SLC24A4: variants seen among roughly 807,000 people sequenced by gnomAD.
The protein encoded by SLC24A4 is solute carrier family 24 member 4.
In SLC24A4, 53 loss-of-function variants were observed where a neutral mutation model predicts 79.0. The observed-to-expected ratio is 0.67, with a 90% CI of 0.54 to 0.84. The LOEUF (loss-of-function observed/expected upper bound fraction) is 0.84, where lower values mean the gene tolerates loss of function less well. Ranked by LOEUF, SLC24A4 falls within the 40% of genes least tolerant of loss-of-function variation. SLC24A4 has a pLI of 0.00. For missense variants in SLC24A4, 731 were observed against 822.0 expected (o/e 0.89, Z 1.35); for synonymous variants, 323 against 323.8 (o/e 1.00, Z 0.03).
At chr14:92,340,579 A>AT (rs1361818647) in intron 2 of SLC24A4, among the ~76,000 whole-genome samples, 1 of 3,670 alleles carries the variant, frequency 2.7e-4, no homozygotes, top group Non-Finnish European at 6.0e-3. Context: ...GCATCATGCC[A>AT]AACCTGCAGG....
chr14:92,360,885 G>A (rs1245014072), intron 2 of SLC24A4, among the ~76,000 whole-genome samples: 2 of 152,166 alleles, frequency 1.3e-5, no homozygotes, highest in Non-Finnish European at 2.9e-5. Flanking sequence ...CCGAAATCTT[G>A]AATGCCTAAT....
At chr14:92,418,577 G>A (rs11160064) in intron 2 of SLC24A4, among the ~76,000 whole-genome samples, 1 of 152,160 alleles carries the variant, frequency 6.6e-6, no homozygotes, top group Non-Finnish European at 1.5e-5. Context: ...TCCAAAATCT[G>A]TATGCCAGGC....
At chr14:92,356,217 G>T (rs1283355141) in intron 2 of SLC24A4, among the ~76,000 whole-genome samples, 2 of 152,108 alleles carry the variant, frequency 1.3e-5, no homozygotes, top group Non-Finnish European at 1.5e-5. Context: ...CCGTAGATTG[G>T]GTAGATTCAA....
intron 2 of SLC24A4, among the ~76,000 whole-genome samples, chr14:92,379,578 TC>T (rs1453562964): frequency 1.3e-5 from 2 of 152,128 alleles, no homozygotes; most frequent in East Asian, 3.9e-4. Flanking sequence ...CTCTGGCGTC[TC>T]CCCTTTCCTA....
At chr14:92,432,394 G>A (rs574018214) in intron 2 of SLC24A4, among the ~76,000 whole-genome samples, 147 of 152,284 alleles carry the variant, frequency 9.7e-4, no homozygotes, top group Middle Eastern at 3.4e-3. Flanking sequence ...TCCCAGGATT[G>A]GATAAATCAG....
chr14:92,483,643 G>T, intron 13 of SLC24A4: 1 of 957,960 alleles, frequency 1.0e-6, no homozygotes, highest in Non-Finnish European at 1.5e-6. Flanking sequence ...GGCTGGGCTG[G>T]GCTGGGTCAG....
At chr14:92,479,519 A>G (rs945649166) in intron 12 of SLC24A4, among the ~76,000 whole-genome samples, 3 of 152,166 alleles carry the variant, frequency 2.0e-5, no homozygotes, top group African/African-American at 7.2e-5. Context: ...ATTGAATTGT[A>G]TATGTTAAAT....
rs1895850856 is a variant in SLC24A4, at chr14:92,494,302, A to G, written c.*674A>G. The G allele has an allele frequency of 6.5e-6, 1 of 152,724 alleles. No individual in the cohort carries two copies. The highest frequency in any genetic ancestry group is 2.4e-5 in the African/African-American group (1 of 41,464). The allele number at this position is 152,724 out of a possible 1,614,324, so 9.5% of individuals were successfully genotyped here. On this transcript the variant is annotated 3_prime_UTR_variant, in exon 17 of 17. Coordinates refer to ENST00000532405, the MANE Select transcript of SLC24A4 (RefSeq NM_153646.4). The surrounding 1 kb of genome is among the most constrained non-coding windows in gnomAD (Gnocchi z 4.6). ...TATTGATGCATTCAGAGAATAAGCA[A>G]TGAAATATTAAAAAATGAAACATCA...
At position 92,499,575 on chromosome 14, in the gene SLC24A4, G is replaced by A. The variant is rs1896068700; in HGVS notation, c.*5947G>A. Reference sequence around the variant, plus strand: ...CTCACTCTGTTGCCCAGGCTGGAGTGCAGTGGCTTGATCACAGCTCACGAA... The same window carrying A: ...CTCACTCTGTTGCCCAGGCTGGAGTACAGTGGCTTGATCACAGCTCACGAA... On this transcript the variant is annotated 3_prime_UTR_variant, in exon 17 of 17. Coordinates refer to ENST00000532405, the MANE Select transcript of SLC24A4 (RefSeq NM_153646.4). The A allele has an allele frequency of 6.6e-6, 1 of 151,874 alleles. No individual in the cohort carries two copies. Among genetic ancestry groups the A allele is most frequent in the Non-Finnish European group, 1.5e-5 (1 of 68,024 alleles). The allele number at this position is 151,874 out of a possible 1,614,324, so 9.4% of individuals were successfully genotyped here.
chr14:92,411,976 G>A (rs1439020437), intron 2 of SLC24A4, among the ~76,000 whole-genome samples: 2 of 152,052 alleles, frequency 1.3e-5, no homozygotes, highest in African/African-American at 4.8e-5. Flanking sequence ...CTGAGCAAAA[G>A]ATGAGAGGTG....
chr14:92,400,639 G>A (rs1180749081), intron 2 of SLC24A4, among the ~76,000 whole-genome samples: 1 of 152,104 alleles, frequency 6.6e-6, no homozygotes, highest in Non-Finnish European at 1.5e-5. Context: ...CTCTGGGAAA[G>A]TATTGAGTAA....
chr14:92,347,912 C>T (rs1440482100), intron 2 of SLC24A4, among the ~76,000 whole-genome samples: 2 of 151,824 alleles, frequency 1.3e-5, no homozygotes, highest in South Asian at 2.1e-4. Context: ...GGTGACAGAG[C>T]GAGACTCCAT....
chr14:92,431,970 C>CA (rs1891899095), intron 2 of SLC24A4, among the ~76,000 whole-genome samples: 1 of 152,190 alleles, frequency 6.6e-6, no homozygotes, highest in Non-Finnish European at 1.5e-5. Flanking sequence ...TGCCTGGGTG[C>CA]TCTGAGCTGC....
At chr14:92,474,089 A>T (rs1275903971) in intron 12 of SLC24A4, among the ~76,000 whole-genome samples, 4 of 152,184 alleles carry the variant, frequency 2.6e-5, no homozygotes, top group Admixed American at 2.6e-4. Flanking sequence ...CCATTCCAGT[A>T]ATGTTTCCTG....
At chr14:92,469,750 A>T (rs1355227896) in intron 12 of SLC24A4, among the ~76,000 whole-genome samples, 11 of 152,222 alleles carry the variant, frequency 7.2e-5, no homozygotes, top group Admixed American at 7.2e-4. Flanking sequence ...GGAATGGCTT[A>T]CTGATAGATG....
chr14:92,359,556 A>T (rs1887381884), intron 2 of SLC24A4, among the ~76,000 whole-genome samples: 1 of 152,124 alleles, frequency 6.6e-6, no homozygotes. Flanking sequence ...CCAAGATCGC[A>T]CCATTACACT....
At chr14:92,376,248 A>T (rs919297456) in intron 2 of SLC24A4, among the ~76,000 whole-genome samples, 21 of 152,232 alleles carry the variant, frequency 1.4e-4, no homozygotes, top group African/African-American at 5.1e-4. Context: ...TGCCGATAGA[A>T]CCTACCTCAC....
chr14:92,374,960 T>G (rs1257640929), intron 2 of SLC24A4, among the ~76,000 whole-genome samples: 1 of 152,218 alleles, frequency 6.6e-6, no homozygotes, highest in Admixed American at 6.5e-5. Context: ...ATTTTTTCAT[T>G]GCCTGGCGGC....
chr14:92,403,146 G>A (rs935819495), intron 2 of SLC24A4, among the ~76,000 whole-genome samples: 3 of 152,142 alleles, frequency 2.0e-5, no homozygotes, highest in South Asian at 2.1e-4. Context: ...CAGAGGTGAT[G>A]CATGGCACTT....
Sources: gnomAD v4.1 joint callset for allele counts (sites outside exome capture counted in the v4.1 genomes callset) on GRCh38, gnomAD v4.1.1 for gene constraint, Gnocchi (gnomAD v3.1) non-coding constraint, MANE v1.5 for transcripts, NCBI Gene and HGNC (gene_info 2026-07-23, HGNC 2026-07-21) for gene names.